Variants in ENTREP2 observed in about 807,000 individuals in gnomAD.
ENTREP2 encodes endosomal transmembrane epsin interactor 2.
the ENTREP2 span, among the ~76,000 whole-genome samples, chr15:29,304,158 C>T: frequency 6.6e-6 from 1 of 152,136 alleles, no homozygotes; most frequent in African/African-American, 2.4e-5. Flanking sequence ...GCTGGGATTA[C>T]AGGTGTGAGC....
chr15:29,417,217 T>A, the ENTREP2 span, among the ~76,000 whole-genome samples: 1 of 152,226 alleles, frequency 6.6e-6, no homozygotes, highest in Non-Finnish European at 1.5e-5. Context: ...GCAGCACTAT[T>A]CACAATAGTA....
the ENTREP2 span, chr15:29,137,151 G>A: frequency 4.0e-6 from 6 of 1,481,816 alleles, no homozygotes; most frequent in South Asian, 2.8e-5. Flanking sequence ...GCCGTGAGGA[G>A]TCACGCAGGT....
chr15:29,469,368 T>C, the ENTREP2 span, among the ~76,000 whole-genome samples: 2 of 152,028 alleles, frequency 1.3e-5, no homozygotes, highest in African/African-American at 4.8e-5. Context: ...CCCAGCTAAT[T>C]TTTGTATTTT....
chr15:29,190,056 A>G, the ENTREP2 span, among the ~76,000 whole-genome samples: 1 of 152,194 alleles, frequency 6.6e-6, no homozygotes, highest in Middle Eastern at 3.2e-3. Context: ...AAGCAGGGAC[A>G]TGGGTCCTGG....
At chr15:29,492,982 C>T in the ENTREP2 span, among the ~76,000 whole-genome samples, 17 of 149,650 alleles carry the variant, frequency 1.1e-4, no homozygotes, top group African/African-American at 3.9e-4. Context: ...CCAGCTGGGG[C>T]GACAGAGTGA....
chr15:29,484,176 GAAC>G, the ENTREP2 span, among the ~76,000 whole-genome samples: 3 of 152,186 alleles, frequency 2.0e-5, no homozygotes, highest in Non-Finnish European at 2.9e-5. Context: ...TCAAGAGCTA[GAAC>G]AACTGAACTT....
chr15:29,426,847 T>C, the ENTREP2 span, among the ~76,000 whole-genome samples: 1 of 152,218 alleles, frequency 6.6e-6, no homozygotes, highest in Non-Finnish European at 1.5e-5. Context: ...CAAAATGCTA[T>C]GCACACTGGG....
chr15:29,334,991 C>T, the ENTREP2 span, among the ~76,000 whole-genome samples: 1 of 152,134 alleles, frequency 6.6e-6, no homozygotes, highest in African/African-American at 2.4e-5. Context: ...AAATGACATG[C>T]AGAAGACCCA....
At chr15:29,207,345 C>CT in the ENTREP2 span, among the ~76,000 whole-genome samples, 1 of 147,426 alleles carries the variant, frequency 6.8e-6, no homozygotes, top group Non-Finnish European at 1.5e-5. Context: ...TGTTACAGCT[C>CT]TTAAAGATTG....
chr15:29,182,754 G>A, the ENTREP2 span, among the ~76,000 whole-genome samples: 13 of 151,998 alleles, frequency 8.6e-5, no homozygotes, highest in Non-Finnish European at 1.3e-4. Flanking sequence ...GGGGAAGAGT[G>A]GGGATTTACC....
chr15:29,228,946 A>G, the ENTREP2 span, among the ~76,000 whole-genome samples: 1 of 152,176 alleles, frequency 6.6e-6, no homozygotes, highest in Non-Finnish European at 1.5e-5. Context: ...TTAATTGGTG[A>G]ATCTTTTCTT....
the ENTREP2 span, among the ~76,000 whole-genome samples, chr15:29,383,465 G>A: frequency 6.6e-6 from 1 of 152,196 alleles, no homozygotes; most frequent in African/African-American, 2.4e-5. Flanking sequence ...TGAGAAGGCC[G>A]AATTAAAAGG....
the ENTREP2 span, among the ~76,000 whole-genome samples, chr15:29,543,401 A>T: frequency 2.0e-5 from 3 of 152,192 alleles, no homozygotes; most frequent in Non-Finnish European, 4.4e-5. Context: ...CTCCAAAGAT[A>T]CCTAGCAGAG....
chr15:29,188,118 A>C, the ENTREP2 span, among the ~76,000 whole-genome samples: 1 of 152,218 alleles, frequency 6.6e-6, no homozygotes, highest in South Asian at 2.1e-4. Flanking sequence ...ATTAATAATA[A>C]GATATGTATT....
At chr15:29,221,292 C>T in the ENTREP2 span, among the ~76,000 whole-genome samples, 1 of 151,936 alleles carries the variant, frequency 6.6e-6, no homozygotes, top group South Asian at 2.1e-4. Context: ...ACCTCTGCCT[C>T]CTGGGTTCAA....
At chr15:29,517,527 A>G in the ENTREP2 span, among the ~76,000 whole-genome samples, 1 of 152,160 alleles carries the variant, frequency 6.6e-6, no homozygotes, top group African/African-American at 2.4e-5. Context: ...CCGTTGTAAA[A>G]AAAAGGACTC....
the ENTREP2 span, chr15:29,137,143 C>T: frequency 9.0e-4 from 1,330 of 1,478,544 alleles, 17 homozygotes; most frequent in East Asian, 0.023. Flanking sequence ...AGAACGGTGC[C>T]GTGAGGAGTC....
chr15:29,551,403 A>G, the ENTREP2 span, among the ~76,000 whole-genome samples: 1 of 152,176 alleles, frequency 6.6e-6, no homozygotes. Context: ...CTGGCTATAT[A>G]GAATTCTGTG....
At chr15:29,584,108 G>GA in the ENTREP2 span, among the ~76,000 whole-genome samples, 1 of 152,132 alleles carries the variant, frequency 6.6e-6, no homozygotes, top group African/African-American at 2.4e-5. Context: ...CACAGATAGG[G>GA]AGAAAATGTT....
Sources: allele counts gnomAD v4.1 joint callset (sites outside exome capture counted in the v4.1 genomes callset), GRCh38; gene constraint gnomAD v4.1.1; transcripts MANE v1.5; gene names NCBI Gene and HGNC (gene_info 2026-07-23, HGNC 2026-07-21).